The following TEAD4 variants were observed in gnomAD, a reference collection of about 807,000 sequenced individuals.
TEAD4 encodes TEA domain transcription factor 4.
Under a neutral mutation model 52.4 loss-of-function variants are expected in TEAD4, and 36 were observed. That is an observed-to-expected ratio of 0.69 (90% confidence interval 0.53 to 0.91). TEAD4 has a LOEUF of 0.91. TEAD4 is among the 40% of genes least tolerant of loss of function. The probability of loss-of-function intolerance (pLI) is 0.00; values close to 1 mark genes in which losing one functional copy is unlikely to be tolerated. For missense variants in TEAD4, 508 were observed against 583.9 expected (o/e 0.87, Z 1.34); for synonymous variants, 220 against 231.0 (o/e 0.95, Z 0.43).
intron 11 of TEAD4, among the ~76,000 whole-genome samples, chr12:3,039,196 A>G (rs2098281210): frequency 1.3e-5 from 2 of 152,174 alleles, no homozygotes; most frequent in Non-Finnish European, 2.9e-5. Context: ...CCTGAAACCC[A>G]TTCATCACCC....
chr12:3,018,406 C>T, intron 6 of TEAD4, 139 bp from the exon 7 acceptor site: 4 of 903,302 alleles, frequency 4.4e-6, no homozygotes, highest in Non-Finnish European at 7.0e-6. Flanking sequence ...GGCCTGTTAG[C>T]ATTCACTAGC....
chr12:2,991,350 G>T (rs1387970495), intron 2 of TEAD4, among the ~76,000 whole-genome samples: 1 of 152,196 alleles, frequency 6.6e-6, no homozygotes, highest in Admixed American at 6.5e-5. Flanking sequence ...AGAAATTAAA[G>T]TTGGCAACTC....
chr12:2,994,623 A>C lies in TEAD4; in HGVS notation c.-29-115A>C. 1 of 1,353,922 alleles carries C rather than the reference A, an allele frequency of 7.4e-7. No homozygotes were observed. The highest frequency in any genetic ancestry group is 9.7e-7 in the Non-Finnish European group (1 of 1,026,672). The allele number at this position is 1,353,922 out of a possible 1,614,324, so 83.9% of individuals were successfully genotyped here. Reference sequence around the variant, plus strand: ...CTGATTCTCACAGATCTTTCACTTCACGCTTTGCTTCCTGAGCAACTGATT... The same window carrying C: ...CTGATTCTCACAGATCTTTCACTTCCCGCTTTGCTTCCTGAGCAACTGATT... On this transcript the variant is annotated intron_variant, in intron 2 of 12. Coordinates refer to ENST00000359864, the MANE Select transcript of TEAD4 (RefSeq NM_003213.4). The surrounding 1 kb of genome is among the most constrained non-coding windows in gnomAD (Gnocchi z 4.7).
intron 10 of TEAD4, among the ~76,000 whole-genome samples, chr12:3,036,587 C>T (rs1214550016): frequency 2.0e-5 from 3 of 152,198 alleles, no homozygotes; most frequent in Admixed American, 6.5e-5. Context: ...CGCTTTACTG[C>T]ATTCGTAGGG....
Position 2,968,419 on chromosome 12 carries a change from C to T in TEAD4, c.-30+8379C>T, listed in dbSNP as rs200968291. On this transcript the variant is annotated intron_variant, in intron 2 of 12. Transcript: ENST00000359864. ...TTTTTTTTTTTTTTTTTTTGTGAGA[C>T]AGGGTCTTAACTCTGTCACCCAGGC... Among the ~76,000 whole-genome samples the T allele has an allele frequency of 1.9e-3, 129 of 66,296 alleles. 1 individual carries two copies. In the East Asian group the frequency reaches 0.022, roughly 12 times the overall value. 43.5% of individuals were successfully genotyped at this position (66,296 alleles called of 152,430 possible).
intron 8 of TEAD4, 66 bp downstream of exon 8, chr12:3,019,236 C>T: frequency 6.3e-7 from 1 of 1,584,226 alleles, no homozygotes; most frequent in Non-Finnish European, 8.6e-7. Flanking sequence ...GGGTCCAGGC[C>T]CCCGGCAGCC....
intron 3 of TEAD4, among the ~76,000 whole-genome samples, chr12:3,004,353 C>T (rs973973348): frequency 7.2e-5 from 11 of 152,232 alleles, no homozygotes; most frequent in African/African-American, 2.7e-4. Context: ...GCCTGGGACA[C>T]TAGCAAGCCA....
At chr12:2,986,322 A>G (rs946978009) in intron 2 of TEAD4, among the ~76,000 whole-genome samples, 4 of 151,336 alleles carry the variant, frequency 2.6e-5, no homozygotes, top group African/African-American at 9.7e-5. Flanking sequence ...TTTTTTTTAC[A>G]AGTAGAAGGA....
rs902014352 is a variant in TEAD4 at position 3,040,241 on chromosome 12, G to C, written c.1173G>C (p.Glu391Asp). 3 of 1,614,120 alleles carry C rather than the reference G, an allele frequency of 1.9e-6. No homozygotes were observed. The highest frequency in any genetic ancestry group is 2.7e-5 in the African/African-American group (2 of 74,938). Residue 391 changes from glutamate to aspartate, a missense_variant, in exon 12 of 13, where the codon GAG (glutamate) becomes GAC (aspartate). Physicochemically the swap from Glu to Asp is conservative, Grantham distance 45. Transcript: ENST00000359864. ...AGTACATGATGAACAGCGTGCTGGA[G>C]AACTTCACCATCCTGCAGGTGTGCG...
chr12:3,003,345 G>A (rs1175986181), intron 3 of TEAD4, among the ~76,000 whole-genome samples: 1 of 152,158 alleles, frequency 6.6e-6, no homozygotes, highest in Non-Finnish European at 1.5e-5. Flanking sequence ...AGTGGTGCGT[G>A]CTTTACTTAC....
chr12:2,962,346 A>ATATATATATTTTTTT (rs1350931012), intron 2 of TEAD4, among the ~76,000 whole-genome samples: 1 of 128,062 alleles, frequency 7.8e-6, no homozygotes, highest in African/African-American at 3.0e-5. Flanking sequence ...ATATATATAT[A>ATATATATATTTTTTT]TTTTTTGAGA....
intron 10 of TEAD4, among the ~76,000 whole-genome samples, chr12:3,022,811 G>A (rs7302732): frequency 0.76 from 115,716 of 151,938 alleles, 45,489 homozygotes; most frequent in East Asian, 0.97. Context: ...GAGGCCTCCA[G>A]TATTCTCAGG....
chr12:2,966,793 G>A (rs988155898), intron 2 of TEAD4, among the ~76,000 whole-genome samples: 5 of 151,776 alleles, frequency 3.3e-5, no homozygotes, highest in Non-Finnish European at 5.9e-5. Flanking sequence ...TGCAACCTCC[G>A]CCTCCTGGGT....
intron 2 of TEAD4, among the ~76,000 whole-genome samples, chr12:2,967,942 GCTCTGTGA>G (rs2098221742): frequency 6.6e-6 from 1 of 152,110 alleles, no homozygotes; most frequent in South Asian, 2.1e-4. Context: ...TACTCACTAA[GCTCTGTGA>G]CCCTCTGGCC....
chr12:2,963,446 C>T lies in TEAD4; in HGVS notation c.-30+3406C>T, dbSNP rs137936942. ...TTTGCCCCCATGACCCTTTGTTGGCCGGGGTTGGACGACAGCTCCCTTTAA... is the reference window on the plus strand; with the variant it reads ...TTTGCCCCCATGACCCTTTGTTGGCTGGGGTTGGACGACAGCTCCCTTTAA... On this transcript the variant is annotated intron_variant, in intron 2 of 12. Transcript: ENST00000359864. 3.0e-3 allele frequency among the ~76,000 whole-genome samples: 452 copies of T among 152,206 alleles called. 3 individuals are homozygous for T. The highest frequency in any genetic ancestry group is 0.01 in the Middle Eastern group (3 of 294).
intron 3 of TEAD4, among the ~76,000 whole-genome samples, chr12:3,004,576 A>G (rs1782462341): frequency 6.6e-6 from 1 of 152,084 alleles, no homozygotes; most frequent in Admixed American, 6.5e-5. Flanking sequence ...CTTGCCTACG[A>G]CCCTGAGAAG....
At chr12:3,010,875 C>A in intron 3 of TEAD4, 129 bp from the exon 4 acceptor site, 1 of 970,202 alleles carries the variant, frequency 1.0e-6, no homozygotes, top group Non-Finnish European at 1.6e-6. Flanking sequence ...AGAATCCTCA[C>A]CCCACAAATC....
At chr12:2,964,003 A>G (rs1174008824) in intron 2 of TEAD4, among the ~76,000 whole-genome samples, 1 of 147,896 alleles carries the variant, frequency 6.8e-6, no homozygotes, top group South Asian at 2.1e-4. Flanking sequence ...GCCAGGGGTG[A>G]CCCTCCTGGG....
At chr12:2,962,174 T>C (rs1309033594) in intron 2 of TEAD4, among the ~76,000 whole-genome samples, 2 of 149,170 alleles carry the variant, frequency 1.3e-5, no homozygotes, top group Non-Finnish European at 3.0e-5. Flanking sequence ...GCCTAGGCAG[T>C]AGTACAGTGG....
Sources: allele counts gnomAD v4.1 joint callset (sites outside exome capture counted in the v4.1 genomes callset), GRCh38; gene constraint gnomAD v4.1.1; non-coding constraint Gnocchi (gnomAD v3.1); transcripts MANE v1.5; gene names NCBI Gene and HGNC (gene_info 2026-07-23, HGNC 2026-07-21).